PPP2R2B: variants seen among roughly 807,000 people sequenced by gnomAD.
PPP2R2B encodes the protein protein phosphatase 2 regulatory subunit Bbeta, also known as serine/threonine-protein phosphatase 2A 55 kDa regulatory subunit B beta isoform.
A neutral mutation model predicts 46.0 loss-of-function variants in PPP2R2B; 5 were observed. The ratio of observed to expected loss-of-function variants is 0.11; its 90% CI spans 0.06 to 0.23. The LOEUF (loss-of-function observed/expected upper bound fraction) is 0.23. Among genes scored for constraint, PPP2R2B ranks in the 10% least tolerant of loss-of-function variants. PPP2R2B has a pLI of 1.00. For missense variants in PPP2R2B, 367 were observed against 575.0 expected (o/e 0.64, Z 3.70); for synonymous variants, 215 against 206.7 (o/e 1.04, Z -0.34).
chr5:146,876,325 C>T (rs1007145469), intron 2 of PPP2R2B, among the ~76,000 whole-genome samples: 3 of 152,184 alleles, frequency 2.0e-5, no homozygotes, highest in African/African-American at 7.2e-5. Context: ...AATTGACACT[C>T]CTGTACACAT....
intron 2 of PPP2R2B, among the ~76,000 whole-genome samples, chr5:146,804,936 T>C (rs1219790874): frequency 6.6e-6 from 1 of 152,148 alleles, no homozygotes; most frequent in East Asian, 1.9e-4. Context: ...AATAATTTAA[T>C]TTGAGGGGAA....
chr5:146,667,040 G>A (rs1429004699), intron 5 of PPP2R2B, among the ~76,000 whole-genome samples: 1 of 152,064 alleles, frequency 6.6e-6, no homozygotes, highest in African/African-American at 2.4e-5. Flanking sequence ...GATGGTGGTA[G>A]GAATCTACTG....
chr5:146,819,395 G>C (rs1758122077), intron 2 of PPP2R2B, among the ~76,000 whole-genome samples: 1 of 152,228 alleles, frequency 6.6e-6, no homozygotes. Flanking sequence ...AGAACACTGG[G>C]GTGGGATGGG....
At chr5:146,893,466 C>G (rs319182) in intron 1 of PPP2R2B, among the ~76,000 whole-genome samples, 71,300 of 151,966 alleles carry the variant, frequency 0.47, 18,030 homozygotes, top group East Asian at 0.7. Context: ...AAATCTTCCT[C>G]TACCCTACAT....
intron 1 of PPP2R2B, among the ~76,000 whole-genome samples, chr5:146,918,819 A>G (rs951740106): frequency 2.0e-5 from 3 of 152,176 alleles, no homozygotes; most frequent in South Asian, 2.1e-4. Flanking sequence ...TGAAGAGGCT[A>G]TCTCCAGTTT....
At chr5:146,815,927 A>G (rs993089620) in intron 2 of PPP2R2B, among the ~76,000 whole-genome samples, 3 of 152,156 alleles carry the variant, frequency 2.0e-5, no homozygotes, top group Non-Finnish European at 4.4e-5. Flanking sequence ...GGGTGGCAAA[A>G]CAAATTGACT....
chr5:146,874,374 T>C (rs1028044213), intron 2 of PPP2R2B, among the ~76,000 whole-genome samples: 3 of 152,228 alleles, frequency 2.0e-5, no homozygotes, highest in Non-Finnish European at 4.4e-5. Context: ...TCCTTTAATA[T>C]GTATAAACAA....
Position 146,878,315 on chromosome 5 carries a change from C to T in PPP2R2B, c.-124-120G>A, listed in dbSNP as rs1762022951. 6.9e-7 allele frequency: 1 copy of T among 1,444,670 alleles called. No individual in the cohort carries two copies. Among genetic ancestry groups the T allele is most frequent in the African/African-American group, 1.4e-5 (1 of 69,884 alleles). 89.5% of individuals were successfully genotyped at this position (1,444,670 alleles called of 1,614,324 possible). ...CTCCTCCCGCGCGGTGCGCTCACTC[C>T]AGCTCCAGTTCCCAGCGAGGATGCT... On this transcript the variant is annotated intron_variant, in intron 1 of 9. Coordinates refer to ENST00000394411, the MANE Select transcript of PPP2R2B (RefSeq NM_181675.4). This position sits in a 1 kb window ranked among gnomAD's most constrained non-coding sequence, Gnocchi z 4.5.
chr5:147,047,378 G>A (rs1756592518), intron 1 of PPP2R2B, among the ~76,000 whole-genome samples: 1 of 151,962 alleles, frequency 6.6e-6, no homozygotes, highest in Non-Finnish European at 1.5e-5. Context: ...CACTGTTCAT[G>A]GTAGGTATCA....
intron 1 of PPP2R2B, among the ~76,000 whole-genome samples, chr5:147,030,042 T>C (rs1031640673): frequency 6.6e-6 from 1 of 152,222 alleles, no homozygotes; most frequent in Non-Finnish European, 1.5e-5. Context: ...AAAACAATCC[T>C]GAAATTTTTA....
At chr5:147,048,817 A>C (rs1038520369) in intron 1 of PPP2R2B, among the ~76,000 whole-genome samples, 9 of 152,196 alleles carry the variant, frequency 5.9e-5, no homozygotes, top group Admixed American at 5.2e-4. Context: ...TCACTCATAC[A>C]TTCGTGCTTT....
intron 2 of PPP2R2B, among the ~76,000 whole-genome samples, chr5:146,807,998 A>C (rs1757295698): frequency 6.6e-6 from 1 of 151,134 alleles, no homozygotes; most frequent in South Asian, 2.1e-4. Flanking sequence ...ACAGGGTTTC[A>C]CCATGTTGGC....
At chr5:146,648,630 T>C (rs991073588) in intron 6 of PPP2R2B, among the ~76,000 whole-genome samples, 5 of 152,026 alleles carry the variant, frequency 3.3e-5, no homozygotes, top group South Asian at 2.1e-4. Context: ...AATACATAAG[T>C]AAAAAAATTT....
chr5:146,909,350 C>T (rs527831907), intron 1 of PPP2R2B, among the ~76,000 whole-genome samples: 10 of 152,292 alleles, frequency 6.6e-5, no homozygotes, highest in African/African-American at 1.9e-4. Context: ...TTTATTCCAA[C>T]CCCAATACAC....
At chr5:146,722,760 A>G (rs1463895708) in intron 2 of PPP2R2B, among the ~76,000 whole-genome samples, 1 of 152,234 alleles carries the variant, frequency 6.6e-6, no homozygotes, top group Admixed American at 6.5e-5. Flanking sequence ...AGTGCCTAAT[A>G]CATAGTATAA....
chr5:146,976,099 T>C (rs1752888179), intron 1 of PPP2R2B, among the ~76,000 whole-genome samples: 2 of 136,420 alleles, frequency 1.5e-5, no homozygotes, highest in South Asian at 4.8e-4. Flanking sequence ...AGTTTCATTT[T>C]TTAAAAAATT....
intron 1 of PPP2R2B, among the ~76,000 whole-genome samples, chr5:146,967,301 T>C (rs1350388476): frequency 6.6e-6 from 1 of 152,222 alleles, no homozygotes; most frequent in Non-Finnish European, 1.5e-5. Flanking sequence ...CTTTATTGGT[T>C]TCTAGATGTC....
intron 5 of PPP2R2B, among the ~76,000 whole-genome samples, chr5:146,674,810 C>A (rs931669832): frequency 3.9e-5 from 6 of 152,256 alleles, no homozygotes; most frequent in Admixed American, 1.3e-4. Flanking sequence ...AAAGTGTTAT[C>A]CACTCTGTTT....
At chr5:146,997,373 T>G (rs534173359) in intron 1 of PPP2R2B, among the ~76,000 whole-genome samples, 17 of 152,244 alleles carry the variant, frequency 1.1e-4, no homozygotes, top group Middle Eastern at 3.4e-3. Context: ...AATGAGGGAA[T>G]CCAACTGGGC....
Sources: gnomAD v4.1 joint callset for allele counts (sites outside exome capture counted in the v4.1 genomes callset) on GRCh38, gnomAD v4.1.1 for gene constraint, Gnocchi (gnomAD v3.1) non-coding constraint, MANE v1.5 for transcripts, NCBI Gene and HGNC (gene_info 2026-07-23, HGNC 2026-07-21) for gene names.